Variants in TRABD2A observed in about 807,000 individuals in gnomAD.
TRABD2A encodes the protein metalloprotease TIKI1.
Under a neutral mutation model 45.6 loss-of-function variants are expected in TRABD2A, and 43 were observed. The ratio of observed to expected loss-of-function variants is 0.94; its 90% confidence interval spans 0.74 to 1.22. The LOEUF (loss-of-function observed/expected upper bound fraction) is 1.22, where lower values mean the gene tolerates loss of function less well. Ranked by LOEUF, TRABD2A falls within the 50% of genes most tolerant of loss-of-function variation. The pLI is 0.00. For synonymous variants in TRABD2A, 269 were observed against 265.0 expected (o/e 1.02, Z -0.15); for missense variants, 642 against 652.4 (o/e 0.98, Z 0.17).
intron 2 of TRABD2A, among the ~76,000 whole-genome samples, chr2:84,857,573 C>A (rs1682355543): frequency 6.6e-6 from 1 of 152,224 alleles, no homozygotes; most frequent in Non-Finnish European, 1.5e-5. Context: ...CCTGGCATTT[C>A]TCTTAATTTT....
chr2:84,849,191 C>G (rs767314121), intron 2 of TRABD2A, among the ~76,000 whole-genome samples: 26 of 152,050 alleles, frequency 1.7e-4, no homozygotes, highest in Non-Finnish European at 3.7e-4. Flanking sequence ...TCAGGCTGCC[C>G]CTGGCTGACT....
At chr2:84,823,652 T>C (rs1026076877) in intron 6 of TRABD2A, among the ~76,000 whole-genome samples, 1 of 152,200 alleles carries the variant, frequency 6.6e-6, no homozygotes, top group East Asian at 1.9e-4. Flanking sequence ...GAGAAAGATA[T>C]GAAATATCTA....
chr2:84,846,535 T>G (rs895149925), intron 2 of TRABD2A, among the ~76,000 whole-genome samples: 61 of 152,202 alleles, frequency 4.0e-4, no homozygotes, highest in African/African-American at 1.4e-3. Flanking sequence ...GCCCCCACTG[T>G]GCTCACCAGC....
chr2:84,824,060 G>A lies in TRABD2A; in HGVS notation c.1227C>T (p.Ala409=). ...LPPLVSRPGS[A]DTPSEAEQRF... ...TCTGTTCGGCCTCACTGGGCGTGTC[G>A]GCACTTCCAGGCCGGGACACAAGGG... Residue 409 remains alanine, a synonymous_variant, in exon 6 of 7, where the codon GCC becomes GCT. Coordinates refer to ENST00000409520, the MANE Select transcript of TRABD2A (RefSeq NM_001277053.2). 3 of 1,613,754 alleles carry A rather than the reference G, an allele frequency of 1.9e-6. No homozygotes were observed. The highest frequency in any genetic ancestry group is 2.5e-6 in the Non-Finnish European group (3 of 1,179,786).
rs571687573 is a variant in TRABD2A, at chr2:84,830,352, C to T, written c.1082+1703G>A. Among the ~76,000 whole-genome samples the T allele has an allele frequency of 1.4e-4, 22 of 152,082 alleles. No individual in the cohort carries two copies. The highest frequency in any genetic ancestry group is 2.9e-4 in the African/African-American group (12 of 41,472). On this transcript the variant is annotated intron_variant, in intron 5 of 6. Transcript: ENST00000409520. This position sits in a 1 kb window ranked among gnomAD's most constrained non-coding sequence, Gnocchi z 4.9. ...AGCGTCAGTAAAGGAGAGGCGGGGACGGGATGGAGGCTCTTCTGAAGCAAG... is the reference window on the plus strand; with the variant it reads ...AGCGTCAGTAAAGGAGAGGCGGGGATGGGATGGAGGCTCTTCTGAAGCAAG...
chr2:84,839,206 C>T lies in TRABD2A; in HGVS notation c.934G>A (p.Val312Met). ...YKRNERIGKR[V>M]KALLEEFPDK... Reference sequence around the variant, plus strand: ...GGGAACTCCTCCAAAAGGGCCTTCACCCGCTTCCCTATTCTCTCATTCCGC... The same window carrying T: ...GGGAACTCCTCCAAAAGGGCCTTCATCCGCTTCCCTATTCTCTCATTCCGC... Residue 312 changes from valine to methionine, a missense_variant, in exon 4 of 7, where the codon GTG becomes ATG. By Grantham distance (21) the Val-to-Met change is conservative. Coordinates refer to ENST00000409520, the MANE Select transcript of TRABD2A (RefSeq NM_001277053.2). The T allele has an allele frequency of 6.2e-7, 1 of 1,613,960 alleles. No individual in the cohort carries two copies. Among genetic ancestry groups the T allele is most frequent in the South Asian group, 1.1e-5 (1 of 91,078 alleles).
intron 2 of TRABD2A, among the ~76,000 whole-genome samples, chr2:84,851,660 A>T (rs1244019305): frequency 6.6e-6 from 1 of 152,256 alleles, no homozygotes; most frequent in African/African-American, 2.4e-5. Context: ...GCACACATGC[A>T]TAATTTGTTA....
At chr2:84,857,988 G>A (rs1048484323) in intron 2 of TRABD2A, among the ~76,000 whole-genome samples, 1 of 152,106 alleles carries the variant, frequency 6.6e-6, no homozygotes, top group African/African-American at 2.4e-5. Context: ...TGATCTTCCT[G>A]CCTTAGCCTC....
Position 84,870,399 on chromosome 2 carries a change from A to G in TRABD2A, c.495T>C (p.Pro165=), listed in dbSNP as rs769426166. Residue 165 remains proline, a synonymous_variant, in exon 2 of 7, where the codon CCT becomes CCC. Coordinates refer to ENST00000409520, the MANE Select transcript of TRABD2A (RefSeq NM_001277053.2). The part of the protein sequence containing the change: ...AIAGNWERKR[P]VWVMLMVNSL... ...AGTTGACCATGAGCATCACCCAGAC[A>G]GGCCTCTTGCGCTCCCAGTTTCCGG... 6.2e-7 allele frequency: 1 copy of G among 1,614,046 alleles called. No individual in the cohort carries two copies. The highest frequency in any genetic ancestry group is 1.7e-5 in the Admixed American group (1 of 60,020).
In TRABD2A at chr2:84,841,995, A is replaced by G. The variant is rs937229883; in HGVS notation, c.682T>C (p.Leu228=). The change falls in exon 3 of 7, where the codon TTG becomes CTG. Residue 228 remains leucine (L), a synonymous_variant. Coordinates refer to ENST00000409520, the MANE Select transcript of TRABD2A (RefSeq NM_001277053.2). The stretch of plus-strand genomic sequence containing the variant: ...TCCTGCTGCAGGAGGGTCTGGTTCA[A>G]AGCAAAGATGACCTAAAAGAAAGGT... ...GLNFSQVIFA[L]NQTLLQQESL... 22 of 1,514,282 alleles carry G rather than the reference A, an allele frequency of 1.5e-5. No individual in the cohort carries two copies. The African/African-American group carries it at 2.9e-4, about 20-fold the overall frequency. The allele number at this position is 1,514,282 out of a possible 1,614,324, so 93.8% of individuals were successfully genotyped here. A position where few individuals can be genotyped will look rare whatever the true frequency, so the allele number is the denominator to read the frequency against.
intron 1 of TRABD2A, 112 bp from the exon 2 acceptor site, chr2:84,870,897 A>C (rs1447353795): frequency 8.8e-6 from 10 of 1,138,060 alleles, no homozygotes; most frequent in Non-Finnish European, 2.4e-6. Context: ...TCAAAGTAGA[A>C]TTTAGACTTT....
At chr2:84,857,378 A>G (rs1400721064) in intron 2 of TRABD2A, among the ~76,000 whole-genome samples, 1 of 152,216 alleles carries the variant, frequency 6.6e-6, no homozygotes, top group African/African-American at 2.4e-5. Context: ...AAGTTGTGAC[A>G]AGACAACCCA....
At chr2:84,849,449 T>C (rs963805802) in intron 2 of TRABD2A, 1 of 152,150 alleles carries the variant, frequency 6.6e-6, no homozygotes, top group Non-Finnish European at 1.5e-5. Context: ...TTTCCCTTCA[T>C]CTTAGGCACC....
intron 2 of TRABD2A, among the ~76,000 whole-genome samples, chr2:84,858,517 A>G (rs1028877512): frequency 1.3e-5 from 2 of 152,180 alleles, no homozygotes; most frequent in African/African-American, 4.8e-5. Context: ...CATCAATCAC[A>G]TTCTTAGGCA....
In TRABD2A at chr2:84,870,309, C is replaced by T. The variant is rs1032381812; in HGVS notation, c.585G>A (p.Glu195=). The change falls in exon 2 of 7, where the codon GAG becomes GAA. Residue 195 remains glutamate (E), a synonymous_variant. Transcript: ENST00000409520. ...CAGTCTGTTTCCTCAGCCGCTCAGC[C>T]TCCTGGGCAAGGAACAGGTCTAAGA... The part of the protein sequence containing the change: ...VPVLDLFLAQ[E]AERLRKQTGA... The T allele has an allele frequency of 1.9e-6, 3 of 1,613,932 alleles. No homozygotes were observed. In the Admixed American group the frequency reaches 5.0e-5, roughly 27 times the overall value.
intron 2 of TRABD2A, among the ~76,000 whole-genome samples, chr2:84,855,997 C>A (rs1682289961): frequency 6.6e-6 from 1 of 152,218 alleles, no homozygotes; most frequent in African/African-American, 2.4e-5. Context: ...CAGTGGCCCG[C>A]ACCACCCCAC....
At chr2:84,835,955 A>AC (rs1681494800) in intron 4 of TRABD2A, 1 of 152,234 alleles carries the variant, frequency 6.6e-6, no homozygotes, top group Admixed American at 6.5e-5. Context: ...GAACATTCAG[A>AC]CCACAGCAAA....
At chr2:84,863,108 A>G (rs973970875) in intron 2 of TRABD2A, among the ~76,000 whole-genome samples, 1 of 152,172 alleles carries the variant, frequency 6.6e-6, no homozygotes, top group Non-Finnish European at 1.5e-5. Context: ...TACCGACAGT[A>G]ACTGCAGCAC....
chr2:84,832,310 C>T (rs1407703365), intron 4 of TRABD2A, 165 bp from the exon 5 acceptor site: 5 of 647,164 alleles, frequency 7.7e-6, no homozygotes, highest in African/African-American at 3.6e-5. Flanking sequence ...TGCCAACAGT[C>T]CTGCAAGGCA....
Sources: gnomAD v4.1 joint callset for allele counts (sites outside exome capture counted in the v4.1 genomes callset) on GRCh38, gnomAD v4.1.1 for gene constraint, Gnocchi (gnomAD v3.1) non-coding constraint, MANE v1.5 for transcripts, NCBI Gene and HGNC (gene_info 2026-07-23, HGNC 2026-07-21) for gene names.